Variants in JAG2 observed in about 807,000 individuals in gnomAD.
JAG2 encodes protein jagged-2.
JAG2 carries 46 observed loss-of-function variants against 141.7 expected under a neutral mutation model. That is an observed-to-expected ratio of 0.32 (90% CI 0.26 to 0.42). The LOEUF is 0.42. Ranked by LOEUF, JAG2 falls within the 10% of genes least tolerant of loss-of-function variation. The probability of loss-of-function intolerance (pLI) is 1.00; values close to 1 mark genes in which losing one functional copy is unlikely to be tolerated. For synonymous variants in JAG2, 862 were observed against 763.5 expected (o/e 1.13, Z -2.13); for missense variants, 1,500 against 1,817.5 (o/e 0.83, Z 3.18).
chr14:105,148,239 C>G lies in JAG2; in HGVS notation c.2135-10G>C. The stretch of plus-strand genomic sequence containing the variant: ...TCGCACTGGAACTCGCCTGTTGGCA[C>G]ATGGGCCGCTCAGCAGGCAGGCCCC... On this transcript the variant is annotated splice_polypyrimidine_tract_variant and intron_variant, in intron 16 of 25. Transcript: ENST00000331782. The G allele has an allele frequency of 6.4e-7, 1 of 1,565,612 alleles. No individual in the cohort carries two copies. The highest frequency in any genetic ancestry group is 8.7e-7 in the Non-Finnish European group (1 of 1,155,520).
intron 24 of JAG2, among the ~76,000 whole-genome samples, chr14:105,143,978 C>A (rs978397959): frequency 4.1e-5 from 6 of 145,598 alleles, no homozygotes; most frequent in Non-Finnish European, 7.5e-5. Flanking sequence ...GCGGTGGGGA[C>A]CTCACCAGCA....
At chr14:105,143,260 G>A (rs1888118998) in intron 25 of JAG2, 90 bp from the exon 26 acceptor site, 1 of 1,452,804 alleles carries the variant, frequency 6.9e-7, no homozygotes, top group Non-Finnish European at 9.3e-7. Context: ...GGGCCCTGCG[G>A]GCCAGGCGGC....
chr14:105,148,383 C>T lies in JAG2; in HGVS notation c.2077G>A (p.Val693Ile). 3 of 1,612,278 alleles carry T rather than the reference C, an allele frequency of 1.9e-6. No individual in the cohort carries two copies. Among genetic ancestry groups the T allele is most frequent in the Non-Finnish European group, 2.5e-6 (3 of 1,179,590 alleles). ...CHSRGRCYDL[V>I]NDFYCACDDG... ...TCGCACGCACAGTAGAAGTCATTGA[C>T]CAGGTCGTAGCAGCGGCCGCGGCTG... Residue 693 changes from valine (V) to isoleucine (I), a missense_variant, in exon 16 of 26, where the codon GTC (valine) becomes ATC (isoleucine). This residue lies in a region of JAG2 where 875 missense variants were observed against 1,202.2 expected (regional missense o/e 0.73). Coordinates refer to ENST00000331782, the MANE Select transcript of JAG2 (RefSeq NM_002226.5).
chr14:105,162,474 C>CCAGGGCACCTT (rs1566769986), intron 2 of JAG2, among the ~76,000 whole-genome samples: 236 of 59,822 alleles, frequency 3.9e-3, no homozygotes, highest in Middle Eastern at 8.5e-3. Context: ...CAGGGCACCT[C>CCAGGGCACCTT]AAAGCCCAGG....
chr14:105,150,724 A>G lies in JAG2; in HGVS notation c.1482T>C (p.His494=), dbSNP rs1375691799. ...CVCPRGFGGR[H]CELERDECAS... ...CACACTCGTCTCGTTCCAGCTCGCA[A>G]TGCCGGCCTCCGAAGCCCCGTGGGC... Residue 494 remains histidine, a synonymous_variant, in exon 12 of 26, where the codon CAT becomes CAC. Transcript: ENST00000331782. The G allele has an allele frequency of 6.3e-7, 1 of 1,574,960 alleles. No individual in the cohort carries two copies. The highest frequency in any genetic ancestry group is 1.8e-5 in the Admixed American group (1 of 54,244).
Position 105,155,801 on chromosome 14 carries a change from T to C in JAG2, c.664A>G (p.Thr222Ala). 1 of 1,612,874 alleles carries C rather than the reference T, an allele frequency of 6.2e-7. No individual in the cohort carries two copies. Among genetic ancestry groups the C allele is most frequent in the Non-Finnish European group, 8.5e-7 (1 of 1,179,922 alleles). Residue 222 changes from threonine to alanine, a missense_variant, in exon 4 of 26, where the codon ACC (threonine) becomes GCC (alanine). Transcript: ENST00000331782. The part of the protein sequence containing the change: ...RPRNDFFGHY[T>A]CDQYGNKACM... ...GCCTTGTTGCCGTACTGGTCGCAGG[T>C]GTAGTGGCCGAAAAAGTCGTTGCGG...
At position 105,157,721 on chromosome 14, in the gene JAG2, CGTT is replaced by C; in HGVS notation, c.457_459del (p.Asn153del). The C allele has an allele frequency of 1.3e-6, 2 of 1,570,770 alleles. No individual in the cohort carries two copies. The highest frequency in any genetic ancestry group is 1.7e-6 in the Non-Finnish European group (2 of 1,159,434). ...GCTCACTCACCATTCGGGGTGGTATCGTTGTCCCAGTCCCAGGCCTCCACGATG... is the reference window on the plus strand; with the variant it reads ...GCTCACTCACCATTCGGGGTGGTATCGTCCCAGTCCCAGGCCTCCACGATG... On this transcript the variant is annotated inframe_deletion, in exon 3 of 26. Coordinates refer to ENST00000331782, the MANE Select transcript of JAG2 (RefSeq NM_002226.5).
intron 5 of JAG2, among the ~76,000 whole-genome samples, chr14:105,153,112 G>A (rs1300921923): frequency 2.0e-5 from 3 of 152,120 alleles, no homozygotes; most frequent in Non-Finnish European, 4.4e-5. Flanking sequence ...GCCCTTCCTA[G>A]AACTCTCCGG....
rs112723387 is a variant in JAG2, at chr14:105,142,637, G to A, written c.*58C>T. On this transcript the variant is annotated 3_prime_UTR_variant, in exon 26 of 26. Coordinates refer to ENST00000331782, the MANE Select transcript of JAG2 (RefSeq NM_002226.5). ...GCACATGGCCTCGGCCTCCGGGTCC[G>A]GCAGACGGCATGGCTCCCACCGAGG... is the stretch of plus-strand genomic sequence containing the variant. 7.0e-3 allele frequency: 9,478 copies of A among 1,363,568 alleles called. 497 individuals are homozygous for A. In the African/African-American group the frequency reaches 0.11, roughly 16 times the overall value. 84.5% of individuals were successfully genotyped at this position (1,363,568 alleles called of 1,614,324 possible). A position where few individuals can be genotyped will look rare whatever the true frequency, so the allele number is the denominator to read the frequency against.
intron 5 of JAG2, among the ~76,000 whole-genome samples, chr14:105,152,682 A>G (rs898377351): frequency 6.6e-6 from 1 of 152,000 alleles, no homozygotes; most frequent in African/African-American, 2.4e-5. Flanking sequence ...GCCAGCGGGC[A>G]GCAGGGGAGC....
chr14:105,143,951 G>T (rs1470745048), intron 24 of JAG2, among the ~76,000 whole-genome samples: 2 of 148,754 alleles, frequency 1.3e-5, no homozygotes, highest in Admixed American at 6.7e-5. Flanking sequence ...CGGGCGCACG[G>T]GACAGCCCAG....
At chr14:105,164,914 G>A (rs1313740770) in intron 2 of JAG2, among the ~76,000 whole-genome samples, 2 of 152,080 alleles carry the variant, frequency 1.3e-5, no homozygotes. Context: ...GCTGATAGAC[G>A]CAGGGTCAGC....
chr14:105,159,606 C>A (rs1241600224), intron 2 of JAG2, among the ~76,000 whole-genome samples: 1 of 137,378 alleles, frequency 7.3e-6, no homozygotes. Context: ...GCTCCATCCA[C>A]ACCCCCAAAG....
rs996880451 is a variant in JAG2, at chr14:105,155,971, C to T, written c.494G>A (p.Arg165Gln). 3.1e-6 allele frequency: 5 copies of T among 1,606,374 alleles called. No individual in the cohort carries two copies. The highest frequency in any genetic ancestry group is 1.1e-5 in the South Asian group (1 of 91,048). ...GTTGATCATGCCGGCATGCGACACTCGCTCGATCAGCAGCTCCTCTTGGGG... is the reference window on the plus strand; with the variant it reads ...GTTGATCATGCCGGCATGCGACACTTGCTCGATCAGCAGCTCCTCTTGGGG... ...TTPNEELLIE[R>Q]VSHAGMINPE... Residue 165 changes from arginine to glutamine, a missense_variant, in exon 4 of 26, where the codon CGA becomes CAA. Physicochemically the swap from Arg to Gln is conservative, Grantham distance 43. This residue lies in a region of JAG2 where 875 missense variants were observed against 1,202.2 expected (regional missense o/e 0.73). Transcript: ENST00000331782.
At position 105,168,475 on chromosome 14, in the gene JAG2, A is replaced by AGCC. The variant is rs1256502712; in HGVS notation, c.-58_-56dup. ...CCGCCGCCGCCCGCGCCCGGCTCCC[A>AGCC]GCCGCCGCGCCGGCCTCCCAGCGCC... On this transcript the variant is annotated 5_prime_UTR_variant, in exon 1 of 26. Coordinates refer to ENST00000331782, the MANE Select transcript of JAG2 (RefSeq NM_002226.5). 2.1e-6 allele frequency: 1 copy of AGCC among 472,976 alleles called. No homozygotes were observed. Among genetic ancestry groups the AGCC allele is most frequent in the African/African-American group, 2.2e-5 (1 of 44,522 alleles). 29.3% of individuals were successfully genotyped at this position (472,976 alleles called of 1,614,324 possible).
At chr14:105,153,582 G>A (rs1021971434) in intron 5 of JAG2, among the ~76,000 whole-genome samples, 1 of 152,116 alleles carries the variant, frequency 6.6e-6, no homozygotes, top group African/African-American at 2.4e-5. Flanking sequence ...AGAGGCGGCG[G>A]CAGGAAGGCA....
At position 105,152,385 on chromosome 14, in the gene JAG2, G is replaced by T. The variant is rs1312436068; in HGVS notation, c.789-94C>A. 2.3e-5 allele frequency: 34 copies of T among 1,463,910 alleles called. No individual in the cohort carries two copies. In the East Asian group the frequency reaches 8.3e-4, roughly 36 times the overall value. 90.7% of individuals were successfully genotyped at this position (1,463,910 alleles called of 1,614,324 possible). Reference sequence around the variant, plus strand: ...GCACAGTCACCCACGCCACACCCAGGGCCGGCGGGCGGCCTCAGGCCTTTG... The same window carrying T: ...GCACAGTCACCCACGCCACACCCAGTGCCGGCGGGCGGCCTCAGGCCTTTG... On this transcript the variant is annotated intron_variant, in intron 5 of 25. Transcript: ENST00000331782.
At chr14:105,145,607 G>A in intron 23 of JAG2, 124 bp downstream of exon 23, 1 of 1,267,760 alleles carries the variant, frequency 7.9e-7, no homozygotes, top group Admixed American at 2.1e-5. Context: ...CACTCTCTGT[G>A]ACCAAGAGTG....
intron 12 of JAG2, 73 bp downstream of exon 12, chr14:105,150,531 A>G (rs2140978347): frequency 1.4e-6 from 2 of 1,430,620 alleles, no homozygotes; most frequent in East Asian, 2.5e-5. Context: ...CTCAGGCCCC[A>G]TGGTCAGGGG....
Sources: gnomAD v4.1 joint callset for allele counts (sites outside exome capture counted in the v4.1 genomes callset) on GRCh38, gnomAD v4.1.1 for gene constraint, gnomAD v4.1.1 regional missense constraint, MANE v1.5 for transcripts, NCBI Gene and HGNC (gene_info 2026-07-23, HGNC 2026-07-21) for gene names.